PIKFYVE: variants seen among roughly 807,000 people sequenced by gnomAD.
PIKFYVE encodes phosphoinositide kinase, FYVE-type zinc finger containing, also known as 1-phosphatidylinositol 3-phosphate 5-kinase.
In PIKFYVE, 122 loss-of-function variants were observed where a neutral mutation model predicts 257.9. The ratio of observed to expected loss-of-function variants is 0.47; its 90% CI spans 0.41 to 0.55. The LOEUF is 0.55. Among genes scored for constraint, PIKFYVE ranks in the 20% least tolerant of loss-of-function variants. The pLI, the probability that PIKFYVE is intolerant of heterozygous loss-of-function variation, is 0.00. For synonymous variants in PIKFYVE, 892 were observed against 868.9 expected, an observed-to-expected ratio of 1.03 and a Z score of -0.47; for missense variants, 2,160 against 2,536.6, an observed-to-expected ratio of 0.85 and a Z score of 3.19.
chr2:208,344,875 G>A (rs1699085523), intron 32 of PIKFYVE, among the ~76,000 whole-genome samples: 1 of 151,812 alleles, frequency 6.6e-6, no homozygotes, highest in Non-Finnish European at 1.5e-5. Flanking sequence ...CTTTGTTGAG[G>A]GTATTGATAC....
intron 13 of PIKFYVE, among the ~76,000 whole-genome samples, chr2:208,314,010 G>A (rs6761487): frequency 2.0e-5 from 3 of 152,124 alleles, no homozygotes; most frequent in East Asian, 3.8e-4. Flanking sequence ...TCTTAGTTAC[G>A]TACATTTGAT....
intron 27 of PIKFYVE, 151 bp from the exon 28 acceptor site, chr2:208,336,687 C>A: frequency 1.9e-6 from 1 of 524,102 alleles, no homozygotes; most frequent in South Asian, 2.5e-5. Context: ...ATGACAAAAA[C>A]TTACTCTTAT....
Position 208,347,883 on chromosome 2 carries a change from CCTT to C in PIKFYVE, c.5239_5241del (p.Phe1747del), listed in dbSNP as rs1559171181. The C allele has an allele frequency of 1.2e-6, 2 of 1,613,542 alleles. No individual in the cohort carries two copies. Among genetic ancestry groups the C allele is most frequent in the South Asian group, 1.1e-5 (1 of 91,052 alleles). ...GCCAAAAAGGCTTCTGGAATGTTGT[CCTT>C]CTTCAGAGGGACAGCAGGGAAAAGC... On this transcript the variant is annotated inframe_deletion, in exon 35 of 42. Transcript: ENST00000264380.
At chr2:208,350,612 CA>C (rs1293623330) in intron 36 of PIKFYVE, among the ~76,000 whole-genome samples, 158 bp from the exon 37 acceptor site, 2 of 151,960 alleles carry the variant, frequency 1.3e-5, no homozygotes, top group Non-Finnish European at 2.9e-5. Context: ...ATCAGTTTAA[CA>C]AAATTGTGAT....
At chr2:208,340,830 T>A (rs1698625473) in intron 31 of PIKFYVE, among the ~76,000 whole-genome samples, 1 of 152,162 alleles carries the variant, frequency 6.6e-6, no homozygotes, top group Non-Finnish European at 1.5e-5. Flanking sequence ...GAGCTCATAA[T>A]CTTTGGGAAG....
At chr2:208,266,618 T>G (rs2124895855) in intron 1 of PIKFYVE, among the ~76,000 whole-genome samples, 1 of 152,336 alleles carries the variant, frequency 6.6e-6, no homozygotes, top group East Asian at 1.9e-4. Context: ...CCCGGCTGCC[T>G]TGTCTGGCGA....
Position 208,312,288 on chromosome 2 carries a change from C to T in PIKFYVE, c.1689C>T (p.Phe563=), listed in dbSNP as rs1695018347. 1.2e-6 allele frequency: 2 copies of T among 1,607,236 alleles called. No homozygotes were observed. The highest frequency in any genetic ancestry group is 1.7e-5 in the Admixed American group (1 of 59,760). The change falls in exon 13 of 42, where the codon TTC becomes TTT. Residue 563 remains phenylalanine, a synonymous_variant. Coordinates refer to ENST00000264380, the MANE Select transcript of PIKFYVE (RefSeq NM_015040.4). ...AACAGCTCTCAATAAGTGACGCTTT[C>T]ATCAAAGGTAATTTTATAAAAAGCT... is the stretch of plus-strand genomic sequence containing the variant. ...GGQQLSISDA[F]IKESLFNRRV... is the part of the protein sequence containing the mutation.
chr2:208,269,129 G>A (rs1401242693), intron 1 of PIKFYVE, among the ~76,000 whole-genome samples: 1 of 152,140 alleles, frequency 6.6e-6, no homozygotes, highest in African/African-American at 2.4e-5. Context: ...TGAGATGGTA[G>A]CTATGATTTT....
rs1037772247 is a variant in PIKFYVE, at chr2:208,350,403, C to T, written c.5434+320C>T. Among the ~76,000 whole-genome samples, 9 of 152,056 alleles carry T rather than the reference C, an allele frequency of 5.9e-5. No homozygotes were observed. In the South Asian group the frequency reaches 1.5e-3, roughly 25 times the overall value. The stretch of plus-strand genomic sequence containing the variant: ...GAATTGTGTATATGTGTGCCAGAAA[C>T]GTATTATCCAGAATAATATGTACAG... On this transcript the variant is annotated intron_variant, in intron 36 of 41. Coordinates refer to ENST00000264380, the MANE Select transcript of PIKFYVE (RefSeq NM_015040.4).
intron 36 of PIKFYVE, 24 bp downstream of exon 36, chr2:208,350,107 T>C: frequency 6.2e-7 from 1 of 1,611,868 alleles, no homozygotes; most frequent in Non-Finnish European, 8.5e-7. Flanking sequence ...ATTATATCAT[T>C]GGTTTGGGGA....
intron 25 of PIKFYVE, 30 bp from the exon 26 acceptor site, chr2:208,335,763 T>A: frequency 6.6e-7 from 1 of 1,515,146 alleles, no homozygotes; most frequent in Non-Finnish European, 9.2e-7. Context: ...TCACCCTTTC[T>A]AAAGTGTTTA....
At chr2:208,310,794 A>C (rs1374458761) in intron 12 of PIKFYVE, among the ~76,000 whole-genome samples, 1 of 152,200 alleles carries the variant, frequency 6.6e-6, no homozygotes, top group Non-Finnish European at 1.5e-5. Flanking sequence ...CAGGAACCAA[A>C]TGCCATGTGT....
intron 1 of PIKFYVE, among the ~76,000 whole-genome samples, chr2:208,266,715 A>C (rs935791229): frequency 6.6e-6 from 1 of 152,222 alleles, no homozygotes; most frequent in African/African-American, 2.4e-5. Context: ...TTACGCCTGA[A>C]CTTAATTAGG....
intron 7 of PIKFYVE, among the ~76,000 whole-genome samples, chr2:208,293,599 A>G (rs10194539): frequency 0.15 from 22,376 of 150,874 alleles, 1,803 homozygotes; most frequent in African/African-American, 0.2. Context: ...TAAATATTTC[A>G]TTTCATTCTT....
chr2:208,266,723 A>C (rs536770319), intron 1 of PIKFYVE, among the ~76,000 whole-genome samples: 23 of 152,334 alleles, frequency 1.5e-4, no homozygotes, highest in Admixed American at 1.2e-3. Flanking sequence ...GAACTTAATT[A>C]GGAGGGGAAG....
At chr2:208,293,551 CAGA>C (rs1559070187) in intron 7 of PIKFYVE, among the ~76,000 whole-genome samples, 1 of 152,072 alleles carries the variant, frequency 6.6e-6, no homozygotes, top group Non-Finnish European at 1.5e-5. Context: ...CATCAGGGTA[CAGA>C]ATTGTAGGTT....
Position 208,277,534 on chromosome 2 carries a change from T to C in PIKFYVE, c.442-3T>C, listed in dbSNP as rs758582095. ...AAGCCTTCACACATTTTTATTGTTA[T>C]AGGATAGTGACCTGAAACAATACTG... is the stretch of plus-strand genomic sequence containing the variant. On this transcript the variant is annotated splice_region_variant and splice_polypyrimidine_tract_variant and intron_variant, in intron 4 of 41. Coordinates refer to ENST00000264380, the MANE Select transcript of PIKFYVE (RefSeq NM_015040.4). 6.2e-6 allele frequency: 10 copies of C among 1,613,260 alleles called. No homozygotes were observed. The African/African-American group carries it at 6.7e-5, about 11-fold the overall frequency.
chr2:208,326,328 T>G lies in PIKFYVE; in HGVS notation c.3517T>G (p.Ser1173Ala). The stretch of plus-strand genomic sequence containing the variant: ...CAAAAATTCAGACCCTTTTGCTCAT[T>G]CAAAGGATGCATCAAGTACTTCAAG... ...QPKNSDPFAH[S>A]KDASSTSSGQ... Residue 1173 changes from serine to alanine, a missense_variant, in exon 20 of 42, where the codon TCA becomes GCA. Physicochemically the swap from Ser to Ala is moderately conservative, Grantham distance 99 (BLOSUM62 1). Around this residue, in one of 12 missense-constraint regions of PIKFYVE, gnomAD observed 522 missense variants for 514.6 expected, o/e 1.01. Transcript: ENST00000264380. 1.2e-6 allele frequency: 2 copies of G among 1,612,926 alleles called. No individual in the cohort carries two copies. The highest frequency in any genetic ancestry group is 1.1e-5 in the South Asian group (1 of 90,782).
rs1700275151 is a variant in PIKFYVE, at chr2:208,358,320, A to G, written c.*3015A>G. On this transcript the variant is annotated 3_prime_UTR_variant, in exon 42 of 42. Coordinates refer to ENST00000264380, the MANE Select transcript of PIKFYVE (RefSeq NM_015040.4). ...AATGAGCCTGATCATAAAACGGACCAGGCCATTCATTATTCCTCAAGTGTT... is the reference window on the plus strand; with the variant it reads ...AATGAGCCTGATCATAAAACGGACCGGGCCATTCATTATTCCTCAAGTGTT... The G allele has an allele frequency of 6.6e-6, 1 of 152,480 alleles. No individual in the cohort carries two copies. Among genetic ancestry groups the G allele is most frequent in the African/African-American group, 2.4e-5 (1 of 41,396 alleles). 9.4% of individuals were successfully genotyped at this position (152,480 alleles called of 1,614,324 possible).
Sources: gnomAD v4.1 joint callset for allele counts (sites outside exome capture counted in the v4.1 genomes callset) on GRCh38, gnomAD v4.1.1 for gene constraint, gnomAD v4.1.1 regional missense constraint, MANE v1.5 for transcripts, NCBI Gene and HGNC (gene_info 2026-07-23, HGNC 2026-07-21) for gene names.